MGMT: variants seen among roughly 807,000 people sequenced by gnomAD.
MGMT encodes the protein O-6-methylguanine-DNA methyltransferase, also known as methylated-DNA--protein-cysteine methyltransferase.
A neutral mutation model predicts 15.9 loss-of-function variants in MGMT; 14 were observed. The ratio of observed to expected loss-of-function variants is 0.88; its 90% CI spans 0.58 to 1.37. The LOEUF (loss-of-function observed/expected upper bound fraction) is 1.37, where lower values mean the gene tolerates loss of function less well. MGMT is among the 40% of genes most tolerant of loss of function. The probability of loss-of-function intolerance (pLI) is 0.00; values close to 1 mark genes in which losing one functional copy is unlikely to be tolerated. For synonymous variants in MGMT, 130 were observed against 118.2 expected (o/e 1.10, Z -0.65); for missense variants, 282 against 268.1 (o/e 1.05, Z -0.36).
At chr10:129,586,138 T>A (rs1231077482) in intron 2 of MGMT, among the ~76,000 whole-genome samples, 1 of 152,204 alleles carries the variant, frequency 6.6e-6, no homozygotes, top group Non-Finnish European at 1.5e-5. Flanking sequence ...TATTTATGTC[T>A]GGAATTTTCC....
At chr10:129,758,645 C>T (rs1479977474) in intron 3 of MGMT, among the ~76,000 whole-genome samples, 1 of 152,134 alleles carries the variant, frequency 6.6e-6, no homozygotes, top group Non-Finnish European at 1.5e-5. Context: ...ACTAAAGATG[C>T]CTGTAACCAA....
intron 2 of MGMT, among the ~76,000 whole-genome samples, chr10:129,696,478 G>A (rs939381781): frequency 6.6e-6 from 1 of 152,168 alleles, no homozygotes; most frequent in Non-Finnish European, 1.5e-5. Flanking sequence ...TTGTTATTCT[G>A]CAGTCTACCA....
chr10:129,657,703 A>G (rs747437549), intron 2 of MGMT, among the ~76,000 whole-genome samples: 1,480 of 124,492 alleles, frequency 0.012, 27 homozygotes, highest in African/African-American at 0.044. Context: ...ACACACACAC[A>G]CACGCACACA....
rs551558155 is a variant in MGMT, at chr10:129,766,886, T to C, written c.513T>C (p.His171=). The change falls in exon 5 of 5, where the codon CAT becomes CAC. Residue 171 remains histidine, a synonymous_variant. Transcript: ENST00000651593. ...GLAVKEWLLA[H]EGHRLGKPGL... Reference sequence around the variant, plus strand: ...CCGTGAAGGAATGGCTTCTGGCCCATGAAGGCCACCGGTTGGGGAAGCCAG... The same window carrying C: ...CCGTGAAGGAATGGCTTCTGGCCCACGAAGGCCACCGGTTGGGGAAGCCAG... 3 of 1,613,568 alleles carry C rather than the reference T, an allele frequency of 1.9e-6. No homozygotes were observed. The highest frequency in any genetic ancestry group is 1.7e-5 in the Admixed American group (1 of 60,028).
At position 129,556,608 on chromosome 10, in the gene MGMT, A is replaced by G. The variant is rs779798933; in HGVS notation, c.125+20231A>G. Among the ~76,000 whole-genome samples, 1 of 152,074 alleles carries G rather than the reference A, an allele frequency of 6.6e-6. No homozygotes were observed. ...GCTTTACCGTCTTGCTGCAGCGGGA[A>G]CGTCCTGCTGTAGAAGAGGCGCCGC... On this transcript the variant is annotated intron_variant, in intron 2 of 4. Coordinates refer to ENST00000651593, the MANE Select transcript of MGMT (RefSeq NM_002412.5). This position sits in a 1 kb window ranked among gnomAD's most constrained non-coding sequence, Gnocchi z 4.3.
chr10:129,492,548 G>A (rs1845479694), intron 1 of MGMT, among the ~76,000 whole-genome samples: 1 of 152,176 alleles, frequency 6.6e-6, no homozygotes, highest in African/African-American at 2.4e-5. Flanking sequence ...CAAATTGATT[G>A]CACTTTTGGG....
chr10:129,553,151 C>A (rs1236558966), intron 2 of MGMT, among the ~76,000 whole-genome samples: 2 of 152,164 alleles, frequency 1.3e-5, no homozygotes, highest in African/African-American at 4.8e-5. Context: ...TAATGATTTG[C>A]ATCAGTAGAT....
chr10:129,765,743 C>G (rs1848926310), intron 4 of MGMT, among the ~76,000 whole-genome samples: 1 of 152,114 alleles, frequency 6.6e-6, no homozygotes. Context: ...CTGCAGGAGC[C>G]CTAACAGTGC....
chr10:129,537,361 C>T (rs1056147368), intron 2 of MGMT, among the ~76,000 whole-genome samples: 1 of 152,144 alleles, frequency 6.6e-6, no homozygotes, highest in Non-Finnish European at 1.5e-5. Flanking sequence ...TAGAGCTGCA[C>T]GTTACAATCA....
chr10:129,608,624 T>C (rs1846921987), intron 2 of MGMT, among the ~76,000 whole-genome samples: 1 of 152,258 alleles, frequency 6.6e-6, no homozygotes, highest in Non-Finnish European at 1.5e-5. Flanking sequence ...AATTATACGC[T>C]CTTCGATTTA....
intron 3 of MGMT, among the ~76,000 whole-genome samples, chr10:129,736,213 A>G (rs1167492009): frequency 6.8e-6 from 1 of 147,434 alleles, no homozygotes; most frequent in African/African-American, 2.5e-5. Context: ...TTTGTAGGTC[A>G]CTCAGGACTT....
At chr10:129,586,101 A>G (rs1484403621) in intron 2 of MGMT, among the ~76,000 whole-genome samples, 2 of 152,192 alleles carry the variant, frequency 1.3e-5, no homozygotes, top group South Asian at 2.1e-4. Flanking sequence ...ACTACTCAGA[A>G]TGGTGTGCAA....
At chr10:129,565,501 G>T (rs1341652597) in intron 2 of MGMT, among the ~76,000 whole-genome samples, 2 of 152,138 alleles carry the variant, frequency 1.3e-5, no homozygotes, top group Non-Finnish European at 2.9e-5. Flanking sequence ...CTTTCTTGTG[G>T]CTGAAAGAAA....
At chr10:129,561,305 G>A (rs977393703) in intron 2 of MGMT, among the ~76,000 whole-genome samples, 5 of 152,002 alleles carry the variant, frequency 3.3e-5, no homozygotes, top group African/African-American at 1.2e-4. Flanking sequence ...GCAGCGACAG[G>A]GGTGGGTCAG....
chr10:129,697,333 G>C (rs781293171), intron 2 of MGMT, among the ~76,000 whole-genome samples: 11 of 152,170 alleles, frequency 7.2e-5, no homozygotes, highest in Non-Finnish European at 1.5e-4. Flanking sequence ...TCATGATGAG[G>C]AGTGACCACT....
At chr10:129,762,426 C>T (rs1167053454) in intron 4 of MGMT, among the ~76,000 whole-genome samples, 5 of 152,122 alleles carry the variant, frequency 3.3e-5, no homozygotes, top group African/African-American at 2.4e-5. Context: ...TTTTGCCATG[C>T]GGAGCTTTCC....
chr10:129,486,422 C>T (rs542991991), intron 1 of MGMT, among the ~76,000 whole-genome samples: 1 of 152,172 alleles, frequency 6.6e-6, no homozygotes, highest in Admixed American at 6.5e-5. Flanking sequence ...CTCTTGACCT[C>T]AGGTGATCCA....
At chr10:129,736,386 C>T (rs1375226534) in intron 3 of MGMT, among the ~76,000 whole-genome samples, 29 of 151,186 alleles carry the variant, frequency 1.9e-4, no homozygotes, top group Admixed American at 1.9e-3. Context: ...ATTGCAACCC[C>T]TGCCTTTTTT....
chr10:129,718,619 C>T (rs963645501), intron 3 of MGMT, among the ~76,000 whole-genome samples: 2 of 152,260 alleles, frequency 1.3e-5, no homozygotes, highest in Non-Finnish European at 2.9e-5. Flanking sequence ...AGACACACCT[C>T]CTGCCCTTCC....
Sources: allele counts gnomAD v4.1 joint callset (sites outside exome capture counted in the v4.1 genomes callset), GRCh38; gene constraint gnomAD v4.1.1; non-coding constraint Gnocchi (gnomAD v3.1); transcripts MANE v1.5; gene names NCBI Gene and HGNC (gene_info 2026-07-23, HGNC 2026-07-21).